Variants in RBFOX1 observed in about 807,000 individuals in gnomAD.
RBFOX1 encodes RNA binding protein fox-1 homolog 1.
RBFOX1 carries 8 observed loss-of-function variants against 57.7 expected under a neutral mutation model. The observed-to-expected ratio is 0.14, with a 90% CI of 0.08 to 0.25. The LOEUF is 0.25. Ranked by LOEUF, RBFOX1 falls within the 10% of genes least tolerant of loss-of-function variation. The pLI, the probability that RBFOX1 is intolerant of heterozygous loss-of-function variation, is 1.00. For synonymous variants in RBFOX1, 326 were observed against 222.4 expected (o/e 1.47, Z -4.15); for missense variants, 611 against 548.5 (o/e 1.11, Z -1.14).
chr16:5,329,507 G>T (rs1335605531), intron 1 of RBFOX1, among the ~76,000 whole-genome samples: 1 of 152,148 alleles, frequency 6.6e-6, no homozygotes, highest in East Asian at 1.9e-4. Flanking sequence ...CAACACTGGG[G>T]ATTACAATTT....
At chr16:5,685,035 A>G (rs1316767419) in intron 3 of RBFOX1, among the ~76,000 whole-genome samples, 2 of 152,170 alleles carry the variant, frequency 1.3e-5, no homozygotes, top group East Asian at 1.9e-4. Flanking sequence ...AGTGCATGCG[A>G]TAGAAGCGGT....
At chr16:7,437,418 G>T (rs2098731736) in intron 4 of RBFOX1, among the ~76,000 whole-genome samples, 1 of 152,084 alleles carries the variant, frequency 6.6e-6, no homozygotes, top group Non-Finnish European at 1.5e-5. Context: ...TCTGTGGAAA[G>T]GATGTTAATA....
At chr16:6,867,933 C>T (rs764006477) in intron 3 of RBFOX1, among the ~76,000 whole-genome samples, 1 of 152,066 alleles carries the variant, frequency 6.6e-6, no homozygotes, top group Non-Finnish European at 1.5e-5. Context: ...AGAAGCCAAG[C>T]GTCCAGAACT....
At chr16:5,275,422 A>G (rs2063117290) in intron 1 of RBFOX1, among the ~76,000 whole-genome samples, 1 of 152,236 alleles carries the variant, frequency 6.6e-6, no homozygotes, top group Non-Finnish European at 1.5e-5. Context: ...CTGAGAATCA[A>G]ATCAAACCCT....
chr16:6,124,742 G>C (rs1343584550), intron 1 of RBFOX1, among the ~76,000 whole-genome samples: 1 of 152,010 alleles, frequency 6.6e-6, no homozygotes, highest in African/African-American at 2.4e-5. Context: ...TGGCCAGGCT[G>C]GTCTCAAACT....
intron 4 of RBFOX1, among the ~76,000 whole-genome samples, chr16:5,954,864 G>T (rs1195594089): frequency 1.3e-5 from 2 of 151,986 alleles, no homozygotes; most frequent in East Asian, 3.9e-4. Context: ...AGGGTGGACA[G>T]GTGGACTGAG....
intron 4 of RBFOX1, among the ~76,000 whole-genome samples, chr16:7,283,888 G>A (rs528342476): frequency 8.5e-5 from 13 of 152,256 alleles, no homozygotes; most frequent in Admixed American, 2.0e-4. Context: ...ACCAGCGTCC[G>A]CATGATTTGG....
chr16:7,609,726 G>C (rs535529857), intron 10 of RBFOX1, among the ~76,000 whole-genome samples: 1 of 152,314 alleles, frequency 6.6e-6, no homozygotes, highest in East Asian at 1.9e-4. Flanking sequence ...AGCTGGTCAG[G>C]AGGAGGCCAG....
At chr16:5,594,807 C>G (rs1378019192) in intron 2 of RBFOX1, among the ~76,000 whole-genome samples, 2 of 151,902 alleles carry the variant, frequency 1.3e-5, no homozygotes, top group African/African-American at 4.8e-5. Flanking sequence ...ATTTATTTTA[C>G]TTTTACATGT....
At chr16:6,779,014 C>A (rs142064782) in intron 3 of RBFOX1, among the ~76,000 whole-genome samples, 80 of 151,986 alleles carry the variant, frequency 5.3e-4, no homozygotes, top group African/African-American at 1.8e-3. Flanking sequence ...GTTTTGCAAA[C>A]ATTCCAAAAC....
intron 4 of RBFOX1, among the ~76,000 whole-genome samples, chr16:7,416,458 G>T (rs984585044): frequency 6.6e-5 from 10 of 152,198 alleles, no homozygotes; most frequent in African/African-American, 2.4e-4. Flanking sequence ...TTGTTAGAGG[G>T]AGGAAGTGAT....
At chr16:7,023,564 TAAAAAAAAA>T (rs34056673) in intron 3 of RBFOX1, among the ~76,000 whole-genome samples, 1,520 of 43,938 alleles carry the variant, frequency 0.035, 22 homozygotes, top group African/African-American at 0.049. Flanking sequence ...TCGTCTGTAC[TAAAAAAAAA>T]AAAAAAAAAA....
intron 2 of RBFOX1, among the ~76,000 whole-genome samples, chr16:6,451,499 A>G (rs2094622098): frequency 1.3e-5 from 2 of 152,152 alleles, no homozygotes; most frequent in Non-Finnish European, 2.9e-5. Context: ...GTTGCTCAAC[A>G]CTTCCACCTG....
In RBFOX1 at chr16:6,777,881, G is replaced by A. The variant is rs112345403; in HGVS notation, c.-16+123231G>A. On this transcript the variant is annotated intron_variant, in intron 3 of 15. Transcript: ENST00000550418. ...CTCAGAGGTGTCAGAGCTGCCCAAA[G>A]CTGACTTCCATCCATATTGAAATGA... is the stretch of plus-strand genomic sequence containing the variant. 9.7e-3 allele frequency among the ~76,000 whole-genome samples: 1,469 copies of A among 152,212 alleles called. 17 individuals carry two copies. The highest frequency in any genetic ancestry group is 0.015 in the Non-Finnish European group (1,019 of 68,002).
chr16:7,502,662 G>T (rs80117376), intron 4 of RBFOX1, among the ~76,000 whole-genome samples: 2 of 152,102 alleles, frequency 1.3e-5, no homozygotes, highest in African/African-American at 2.4e-5. Context: ...AGTTACATAC[G>T]TATACATGTG....
chr16:5,729,344 T>C (rs2052272111), intron 3 of RBFOX1, among the ~76,000 whole-genome samples: 1 of 152,012 alleles, frequency 6.6e-6, no homozygotes, highest in Admixed American at 6.6e-5. Context: ...TGGAAAGCAT[T>C]TTGCAATTCC....
intron 1 of RBFOX1, among the ~76,000 whole-genome samples, chr16:5,304,238 A>G (rs911909247): frequency 1.3e-5 from 2 of 152,214 alleles, no homozygotes; most frequent in Non-Finnish European, 2.9e-5. Flanking sequence ...CCTGTGCAGT[A>G]GAATTTAAAG....
chr16:7,684,037 T>G (rs1484564995), intron 14 of RBFOX1, among the ~76,000 whole-genome samples: 1 of 151,368 alleles, frequency 6.6e-6, no homozygotes, highest in Non-Finnish European at 1.5e-5. Context: ...TAAGATGAAA[T>G]TTTTCAGTAA....
chr16:7,154,919 T>C (rs191310750), intron 4 of RBFOX1, among the ~76,000 whole-genome samples: 3 of 152,302 alleles, frequency 2.0e-5, no homozygotes, highest in Non-Finnish European at 4.4e-5. Context: ...TAACTTTGCA[T>C]AATGAGTGAG....
Sources: allele counts gnomAD v4.1 joint callset (sites outside exome capture counted in the v4.1 genomes callset), GRCh38; gene constraint gnomAD v4.1.1; transcripts MANE v1.5; gene names NCBI Gene and HGNC (gene_info 2026-07-23, HGNC 2026-07-21).